The following EFS variants were observed in gnomAD, a reference collection of about 807,000 sequenced individuals.
EFS encodes the protein Cas scaffolding protein family member 3.
Under a neutral mutation model 42.2 loss-of-function variants are expected in EFS, and 34 were observed. The ratio of observed to expected loss-of-function variants is 0.81; its 90% CI spans 0.61 to 1.07. The LOEUF (loss-of-function observed/expected upper bound fraction) is 1.07, where lower values mean the gene tolerates loss of function less well. Among genes scored for constraint, EFS ranks in the 50% least tolerant of loss-of-function variants. EFS has a pLI of 0.00. For missense variants in EFS, 717 were observed against 729.4 expected (o/e 0.98, Z 0.20); for synonymous variants, 299 against 320.7 (o/e 0.93, Z 0.72).
intron 5 of EFS, among the ~76,000 whole-genome samples, chr14:23,358,314 C>A (rs1446673844): frequency 6.6e-6 from 1 of 152,208 alleles, no homozygotes; most frequent in African/African-American, 2.4e-5. Context: ...ACTGTGAGCA[C>A]CAGATGAGTG....
intron 1 of EFS, among the ~76,000 whole-genome samples, chr14:23,361,318 C>T (rs973714832): frequency 2.0e-5 from 3 of 152,178 alleles, no homozygotes; most frequent in African/African-American, 7.2e-5. Flanking sequence ...TCTCTCTGTT[C>T]CCAAGTCATT....
chr14:23,363,391 C>G (rs919463886), intron 1 of EFS, among the ~76,000 whole-genome samples: 2 of 152,174 alleles, frequency 1.3e-5, no homozygotes, highest in African/African-American at 4.8e-5. Context: ...TATGACAAAG[C>G]GCAGCACAGG....
rs572919331 is a variant in EFS, at chr14:23,362,339, A to T, written c.19-1506T>A. On this transcript the variant is annotated intron_variant, in intron 1 of 5. Coordinates refer to ENST00000216733, the MANE Select transcript of EFS (RefSeq NM_005864.4). ...ACGGACTGACTAATTCAGCAAAAAA[A>T]TCTCAAAGTTAAAGATCTCAGGCAG... 3.7e-3 allele frequency among the ~76,000 whole-genome samples: 568 copies of T among 152,322 alleles called. 3 individuals carry two copies. The highest frequency in any genetic ancestry group is 6.4e-3 in the Non-Finnish European group (435 of 68,030).
At chr14:23,360,436 G>A in intron 2 of EFS, 119 bp downstream of exon 2, 1 of 1,486,580 alleles carries the variant, frequency 6.7e-7, no homozygotes, top group South Asian at 1.3e-5. Flanking sequence ...CCAGCGCAGA[G>A]CAGTGAAGAG....
intron 2 of EFS, 127 bp downstream of exon 2, chr14:23,360,428 A>T: frequency 3.4e-6 from 5 of 1,490,114 alleles, no homozygotes; most frequent in Non-Finnish European, 4.5e-6. Context: ...GGTTTCGTCC[A>T]GCGCAGAGCA....
chr14:23,357,118 A>C lies in EFS; in HGVS notation c.*108T>G, dbSNP rs1225865317. On this transcript the variant is annotated 3_prime_UTR_variant, in exon 6 of 6. Coordinates refer to ENST00000216733, the MANE Select transcript of EFS (RefSeq NM_005864.4). Reference sequence around the variant, plus strand: ...ATGAGCAGAAAGGGCAGGAAAGGGGAAAGATACCCCCATTTCTCCTAGTCC... The same window carrying C: ...ATGAGCAGAAAGGGCAGGAAAGGGGCAAGATACCCCCATTTCTCCTAGTCC... The C allele has an allele frequency of 1.8e-6, 2 of 1,096,198 alleles. No individual in the cohort carries two copies. The highest frequency in any genetic ancestry group is 5.2e-5 in the East Asian group (2 of 38,764). 67.9% of individuals were successfully genotyped at this position (1,096,198 alleles called of 1,614,324 possible).
Position 23,357,052 on chromosome 14 carries a change from C to G in EFS, c.*174G>C. ...TACACAAAATGGCTTGTACAAAAAG[C>G]TGTAGGTTAGGGGGAGAAGACACCT... On this transcript the variant is annotated 3_prime_UTR_variant, in exon 6 of 6. Coordinates refer to ENST00000216733, the MANE Select transcript of EFS (RefSeq NM_005864.4). 1 of 477,186 alleles carries G rather than the reference C, an allele frequency of 2.1e-6. No homozygotes were observed. Among genetic ancestry groups the G allele is most frequent in the Non-Finnish European group, 3.5e-6 (1 of 282,000 alleles). The allele number at this position is 477,186 out of a possible 1,614,324, so 29.6% of individuals were successfully genotyped here. A position where few individuals can be genotyped will look rare whatever the true frequency, so the allele number is the denominator to read the frequency against.
chr14:23,359,362 G>C lies in EFS; in HGVS notation c.1116C>G (p.Tyr372Ter). ...ACTCCTCGGCCATCGGAATGCCCTC[G>C]TACTCATTGTGGTGTCCTGCTGGGT... ...EDDPAGHHNE[Y>*]EGIPMAEEYD... is the part of the protein sequence containing the mutation. Residue 372 changes from tyrosine to a stop codon, truncating the protein, a stop_gained, in exon 4 of 6, where the codon TAC (tyrosine) becomes TAG (stop). Transcript: ENST00000216733. LOFTEE classifies it high-confidence loss of function. The C allele has an allele frequency of 6.2e-7, 1 of 1,612,946 alleles. No individual in the cohort carries two copies. The highest frequency in any genetic ancestry group is 8.5e-7 in the Non-Finnish European group (1 of 1,179,914).
chr14:23,357,684 G>C, intron 5 of EFS, 24 bp from the exon 6 acceptor site: 1 of 1,495,278 alleles, frequency 6.7e-7, no homozygotes. Flanking sequence ...GGAGTGGTCA[G>C]AGAGAACATT....
At chr14:23,362,372 C>T (rs560475345) in intron 1 of EFS, among the ~76,000 whole-genome samples, 2 of 152,190 alleles carry the variant, frequency 1.3e-5, no homozygotes, top group Admixed American at 6.5e-5. Flanking sequence ...CAGGCTGCCA[C>T]CAGACCCTGG....
At chr14:23,359,163 G>C (rs1267586512) in intron 4 of EFS, among the ~76,000 whole-genome samples, 154 bp downstream of exon 4, 1 of 152,246 alleles carries the variant, frequency 6.6e-6, no homozygotes, top group Non-Finnish European at 1.5e-5. Flanking sequence ...TGGTACAAGT[G>C]TTGTGGCCAA....
chr14:23,357,095 G>A lies in EFS; in HGVS notation c.*131C>T, dbSNP rs1201309403. ...AGACACCTCTGTGAGAGGTTGAGAT[G>A]AGCAGAAAGGGCAGGAAAGGGGAAA... On this transcript the variant is annotated 3_prime_UTR_variant, in exon 6 of 6. Coordinates refer to ENST00000216733, the MANE Select transcript of EFS (RefSeq NM_005864.4). The A allele has an allele frequency of 3.6e-6, 3 of 839,288 alleles. No homozygotes were observed. The highest frequency in any genetic ancestry group is 6.2e-5 in the South Asian group (2 of 32,456). The allele number at this position is 839,288 out of a possible 1,614,324, so 52.0% of individuals were successfully genotyped here.
At position 23,359,592 on chromosome 14, in the gene EFS, G is replaced by A; in HGVS notation, c.886C>T (p.Leu296Phe). The part of the protein sequence containing the change: ...RSPPPPHRPR[L>F]PSAESLSRRP... The stretch of plus-strand genomic sequence containing the variant: ...CGGGACAGGCTCTCAGCTGAGGGGA[G>A]CCGGGGCCTGTGTGGGGGTGGGGGG... Residue 296 changes from leucine to phenylalanine, a missense_variant, in exon 4 of 6, where the codon CTC becomes TTC. By Grantham distance (22) the Leu-to-Phe change is conservative. Coordinates refer to ENST00000216733, the MANE Select transcript of EFS (RefSeq NM_005864.4). 6.8e-7 allele frequency: 1 copy of A among 1,481,370 alleles called. No individual in the cohort carries two copies. The highest frequency in any genetic ancestry group is 8.9e-7 in the Non-Finnish European group (1 of 1,120,128). 91.8% of individuals were successfully genotyped at this position (1,481,370 alleles called of 1,614,324 possible). A position where few individuals can be genotyped will look rare whatever the true frequency, so the allele number is the denominator to read the frequency against.
intron 1 of EFS, among the ~76,000 whole-genome samples, chr14:23,363,338 C>T (rs1238185374): frequency 2.0e-5 from 3 of 152,162 alleles, no homozygotes; most frequent in Non-Finnish European, 4.4e-5. Context: ...ACTACCTTCA[C>T]AGGGTAGTTG....
chr14:23,358,200 T>C (rs1261328750), intron 5 of EFS, among the ~76,000 whole-genome samples: 1 of 152,210 alleles, frequency 6.6e-6, no homozygotes, highest in Admixed American at 6.5e-5. Context: ...ATGTAGCTAG[T>C]GGCTACTGTA....
At chr14:23,360,910 C>A in intron 1 of EFS, 77 bp from the exon 2 acceptor site, 2 of 1,394,876 alleles carry the variant, frequency 1.4e-6, no homozygotes, top group South Asian at 1.5e-5. Flanking sequence ...TAGAACCCTT[C>A]GGAGCTCCGC....
intron 1 of EFS, among the ~76,000 whole-genome samples, chr14:23,364,232 T>A (rs1169217559): frequency 6.6e-6 from 1 of 152,180 alleles, no homozygotes; most frequent in Non-Finnish European, 1.5e-5. Flanking sequence ...CTGAGTTCTG[T>A]CCAATGGAGC....
chr14:23,362,869 C>T (rs946074133), intron 1 of EFS, among the ~76,000 whole-genome samples: 4 of 151,978 alleles, frequency 2.6e-5, no homozygotes, highest in Non-Finnish European at 4.4e-5. Flanking sequence ...CTGGGATTAC[C>T]GTTGCGACCC....
chr14:23,364,252 G>A (rs1890248913), intron 1 of EFS, among the ~76,000 whole-genome samples: 1 of 152,222 alleles, frequency 6.6e-6, no homozygotes, highest in South Asian at 2.1e-4. Context: ...CCAAGCCTCT[G>A]GGCCCTGCCA....
Sources: gnomAD v4.1 joint callset for allele counts (sites outside exome capture counted in the v4.1 genomes callset) on GRCh38, gnomAD v4.1.1 for gene constraint, MANE v1.5 for transcripts, NCBI Gene and HGNC (gene_info 2026-07-23, HGNC 2026-07-21) for gene names.